Variants in DAPK1 observed in about 807,000 individuals in gnomAD.
DAPK1 encodes the protein death-associated protein kinase 1.
Under a neutral mutation model 144.9 loss-of-function variants are expected in DAPK1, and 56 were observed. The ratio of observed to expected loss-of-function variants is 0.39; its 90% CI spans 0.31 to 0.48. The LOEUF (loss-of-function observed/expected upper bound fraction) is 0.48. Among genes scored for constraint, DAPK1 ranks in the 20% least tolerant of loss-of-function variants. The pLI, the probability that DAPK1 is intolerant of heterozygous loss-of-function variation, is 0.95. For synonymous variants in DAPK1, 690 were observed against 749.0 expected, an observed-to-expected ratio of 0.92 and a Z score of 1.29; for missense variants, 1,454 against 1,875.4, an observed-to-expected ratio of 0.78 and a Z score of 4.15.
At chr9:87,624,513 G>A (rs553435556) in intron 3 of DAPK1, among the ~76,000 whole-genome samples, 5 of 152,354 alleles carry the variant, frequency 3.3e-5, no homozygotes, top group African/African-American at 1.2e-4. Context: ...GATTCAAGGC[G>A]ATGCAGCAAA....
rs1587799514 is a variant in DAPK1, at chr9:87,640,307, G to A, written c.639G>A (p.Gly213=). ...ACTTTATTTTTAACAGCCTAAGTGG[G>A]GCCTCCCCATTTCTTGGAGACACTA... ...IGVITYILLS[G]ASPFLGDTKQ... The change falls in exon 8 of 26, where the codon GGG becomes GGA. Residue 213 remains glycine, a synonymous_variant. Coordinates refer to ENST00000408954, the MANE Select transcript of DAPK1 (RefSeq NM_004938.4). 1 of 1,613,510 alleles carries A rather than the reference G, an allele frequency of 6.2e-7. No homozygotes were observed.
chr9:87,498,410 G>A, intron 1 of DAPK1: 1 of 325,954 alleles, frequency 3.1e-6, no homozygotes, highest in Non-Finnish European at 5.5e-6. Context: ...CCCCCGGGCG[G>A]CCGCACGCCG....
chr9:87,522,446 T>A (rs1825332802), intron 2 of DAPK1, among the ~76,000 whole-genome samples: 2 of 152,354 alleles, frequency 1.3e-5, no homozygotes, highest in South Asian at 4.1e-4. Flanking sequence ...TTGGCTTTTT[T>A]GTTTTTTCAC....
At chr9:87,543,514 A>C (rs1826129394) in intron 2 of DAPK1, among the ~76,000 whole-genome samples, 1 of 152,224 alleles carries the variant, frequency 6.6e-6, no homozygotes, top group African/African-American at 2.4e-5. Context: ...AAACAACACA[A>C]TCAGCCAAAA....
At chr9:87,564,566 G>C (rs957092097) in intron 2 of DAPK1, among the ~76,000 whole-genome samples, 24 of 144,818 alleles carry the variant, frequency 1.7e-4, no homozygotes, top group Admixed American at 1.2e-3. Flanking sequence ...ATGGCAGAAG[G>C]CAAGAGGGAT....
intron 2 of DAPK1, among the ~76,000 whole-genome samples, chr9:87,536,990 T>G (rs1217004344): frequency 6.7e-6 from 1 of 148,804 alleles, no homozygotes; most frequent in Admixed American, 6.7e-5. Context: ...GAAGTTTTCT[T>G]TTTTTTTTTT....
chr9:87,593,510 G>A (rs959562029), intron 2 of DAPK1, among the ~76,000 whole-genome samples: 16 of 152,132 alleles, frequency 1.1e-4, no homozygotes, highest in East Asian at 1.9e-4. Context: ...CTCACAATTC[G>A]TATTTTAATC....
intron 19 of DAPK1, among the ~76,000 whole-genome samples, chr9:87,678,773 G>A (rs1824499165): frequency 6.6e-6 from 1 of 152,164 alleles, no homozygotes; most frequent in Admixed American, 6.5e-5. Flanking sequence ...GTTACAGGGT[G>A]TCTGGACACC....
intron 19 of DAPK1, among the ~76,000 whole-genome samples, chr9:87,679,498 C>G (rs1824522207): frequency 6.6e-6 from 1 of 152,100 alleles, no homozygotes; most frequent in Non-Finnish European, 1.5e-5. Context: ...TGGTCAGAGC[C>G]ACATCACGTA....
intron 22 of DAPK1, among the ~76,000 whole-genome samples, chr9:87,697,516 T>C (rs1722222339): frequency 6.6e-6 from 1 of 152,226 alleles, no homozygotes; most frequent in African/African-American, 2.4e-5. Flanking sequence ...ATTTCTCACT[T>C]TTTTTCTACA....
intron 2 of DAPK1, 39 bp from the exon 3 acceptor site, chr9:87,604,915 T>C (rs2118958945): frequency 4.4e-6 from 7 of 1,594,490 alleles, no homozygotes; most frequent in Non-Finnish European, 6.0e-6. Flanking sequence ...TCCTGTTTTT[T>C]TTATGAACGA....
chr9:87,646,720 A>G (rs1262590036), intron 13 of DAPK1, among the ~76,000 whole-genome samples, 161 bp downstream of exon 13: 3 of 152,218 alleles, frequency 2.0e-5, no homozygotes, highest in African/African-American at 4.8e-5. Context: ...AGCCTGACAC[A>G]TGGGTTAAAG....
chr9:87,552,328 C>CAAGG (rs1826523969), intron 2 of DAPK1, among the ~76,000 whole-genome samples: 7 of 100,970 alleles, frequency 6.9e-5, no homozygotes, highest in South Asian at 2.5e-4. Context: ...TTAAAGAGGA[C>CAAGG]AAGGGAGGGA....
chr9:87,689,791 C>T (rs1281643984), intron 21 of DAPK1, among the ~76,000 whole-genome samples: 1 of 151,964 alleles, frequency 6.6e-6, no homozygotes, highest in African/African-American at 2.4e-5. Flanking sequence ...GTTCTTATTG[C>T]CTCTGTCAAG....
intron 4 of DAPK1, among the ~76,000 whole-genome samples, chr9:87,638,323 A>T (rs1400531178): frequency 1.3e-5 from 2 of 152,182 alleles, no homozygotes; most frequent in Non-Finnish European, 1.5e-5. Context: ...TTGGTAAAGA[A>T]TACAAGGGGT....
chr9:87,500,811 T>G (rs1427392844), intron 2 of DAPK1, among the ~76,000 whole-genome samples: 3 of 152,208 alleles, frequency 2.0e-5, no homozygotes, highest in Non-Finnish European at 4.4e-5. Context: ...TTCTCCCCAC[T>G]GTGCAAGGCA....
intron 7 of DAPK1, 78 bp from the exon 8 acceptor site, chr9:87,640,220 C>A: frequency 7.3e-7 from 1 of 1,368,112 alleles, no homozygotes; most frequent in Non-Finnish European, 1.0e-6. Flanking sequence ...TTATTCCACA[C>A]TCCAGATGTT....
intron 7 of DAPK1, 152 bp downstream of exon 7, chr9:87,639,967 A>T: frequency 1.2e-6 from 1 of 817,964 alleles, no homozygotes; most frequent in Non-Finnish European, 1.9e-6. Flanking sequence ...TGTTTAGTTT[A>T]TACTAATTAA....
At chr9:87,700,274 A>G (rs754719166) in intron 24 of DAPK1, 37 bp downstream of exon 24, 2 of 1,580,752 alleles carry the variant, frequency 1.3e-6, no homozygotes, top group Non-Finnish European at 1.7e-6. Flanking sequence ...ACCCCTTTGT[A>G]CTTCCTTCCT....
Sources: allele counts gnomAD v4.1 joint callset (sites outside exome capture counted in the v4.1 genomes callset), GRCh38; gene constraint gnomAD v4.1.1; transcripts MANE v1.5; gene names NCBI Gene and HGNC (gene_info 2026-07-23, HGNC 2026-07-21).